Variants in FBXO25 observed in about 807,000 individuals in gnomAD.
FBXO25 encodes F-box only protein 25.
In FBXO25, 45 loss-of-function variants were observed where a neutral mutation model predicts 51.9. The ratio of observed to expected loss-of-function variants is 0.87; its 90% CI spans 0.68 to 1.11. The LOEUF (loss-of-function observed/expected upper bound fraction) is 1.11. FBXO25 is among the 50% of genes most tolerant of loss of function. The pLI is 0.00. For missense variants in FBXO25, 507 were observed against 428.5 expected, an observed-to-expected ratio of 1.18 and a Z score of -1.62; for synonymous variants, 199 against 151.0, an observed-to-expected ratio of 1.32 and a Z score of -2.33.
intron 2 of FBXO25, among the ~76,000 whole-genome samples, chr8:419,349 A>C (rs1448334376): frequency 6.6e-6 from 1 of 152,222 alleles, no homozygotes; most frequent in Non-Finnish European, 1.5e-5. Context: ...AGCCTGGGCA[A>C]CAAGAGCAAA....
At chr8:441,062 C>G (rs1371966342) in intron 5 of FBXO25, among the ~76,000 whole-genome samples, 1 of 148,358 alleles carries the variant, frequency 6.7e-6, no homozygotes, top group Non-Finnish European at 1.5e-5. Context: ...GTGCGTGTGT[C>G]TTTATAGTAG....
At chr8:450,650 T>C (rs1799023782) in intron 6 of FBXO25, 1 of 152,258 alleles carries the variant, frequency 6.6e-6, no homozygotes, top group African/African-American at 2.4e-5. Flanking sequence ...ACTGAAAATT[T>C]ATCAGATAAA....
intron 9 of FBXO25, chr8:468,252 T>G: frequency 2.0e-6 from 2 of 1,012,634 alleles, no homozygotes; most frequent in Non-Finnish European, 2.4e-6. Flanking sequence ...CCCCCTCTCC[T>G]GTCCTATGCA....
At chr8:466,199 T>A (rs1164953474) in intron 9 of FBXO25, among the ~76,000 whole-genome samples, 2 of 152,238 alleles carry the variant, frequency 1.3e-5, no homozygotes, top group Non-Finnish European at 2.9e-5. Context: ...AGATGTCAGG[T>A]ACTTCTTGCC....
At chr8:428,830 C>T (rs1255132274) in intron 2 of FBXO25, among the ~76,000 whole-genome samples, 3 of 152,192 alleles carry the variant, frequency 2.0e-5, no homozygotes, top group African/African-American at 7.2e-5. Flanking sequence ...CTCAGCGTAA[C>T]GTCCTCAAGT....
intron 5 of FBXO25, among the ~76,000 whole-genome samples, chr8:447,333 T>G (rs529159561): frequency 6.6e-6 from 1 of 152,162 alleles, no homozygotes; most frequent in Admixed American, 6.5e-5. Context: ...CCTGAGGGCA[T>G]CTGCAAAACA....
intron 1 of FBXO25, chr8:407,295 C>T: frequency 2.1e-6 from 2 of 947,378 alleles, no homozygotes; most frequent in Non-Finnish European, 2.5e-6. Context: ...TCGGGCGCGT[C>T]AGGTGGGGAC....
In FBXO25 at chr8:475,131, A is replaced by G. The variant is rs1340395779; in HGVS notation, c.*6327A>G. On this transcript the variant is annotated 3_prime_UTR_variant, in exon 10 of 10. Transcript: ENST00000350302. ...AGGCCTTTGATCTATTTTAATTTTT[A>G]TATATGGTGTGAGGTAGATCTAGCT... 5.5e-6 allele frequency: 2 copies of G among 361,732 alleles called. No individual in the cohort carries two copies. Among genetic ancestry groups the G allele is most frequent in the African/African-American group, 4.3e-5 (2 of 46,762 alleles). The allele number at this position is 361,732 out of a possible 1,614,324, so 22.4% of individuals were successfully genotyped here.
In FBXO25 at chr8:471,096, CAT is replaced by C. The variant is rs1270620400; in HGVS notation, c.*2294_*2295del. On this transcript the variant is annotated 3_prime_UTR_variant, in exon 10 of 10. Transcript: ENST00000350302. ...AATTGAGCAGTACTTGCTTGGAAAA[CAT>C]AACCATATTAATAGTGTAGGATTCC... is the stretch of plus-strand genomic sequence containing the variant. 4.6e-5 allele frequency: 7 copies of C among 152,198 alleles called. No homozygotes were observed. Among genetic ancestry groups the C allele is most frequent in the Non-Finnish European group, 8.8e-5 (6 of 68,032 alleles). The allele number at this position is 152,198 out of a possible 1,614,324, so 9.4% of individuals were successfully genotyped here.
intron 9 of FBXO25, 105 bp downstream of exon 9, chr8:463,255 G>T (rs1368199507): frequency 7.9e-7 from 1 of 1,262,546 alleles, no homozygotes; most frequent in African/African-American, 1.5e-5. Flanking sequence ...AATACTGTTT[G>T]TTATAAGTAA....
At chr8:461,846 C>T (rs1222458651) in intron 8 of FBXO25, among the ~76,000 whole-genome samples, 1 of 152,224 alleles carries the variant, frequency 6.6e-6, no homozygotes, top group Non-Finnish European at 1.5e-5. Flanking sequence ...TCATTCAAGA[C>T]TGAATAATAT....
intron 7 of FBXO25, among the ~76,000 whole-genome samples, chr8:457,428 C>T (rs1300053738): frequency 6.6e-6 from 1 of 152,190 alleles, no homozygotes; most frequent in Non-Finnish European, 1.5e-5. Flanking sequence ...CTCAGCCTGG[C>T]ACGTGCACAC....
rs920623802 is a variant in FBXO25 at position 474,087 on chromosome 8, C to G, written c.*5283C>G. 1.3e-5 allele frequency: 2 copies of G among 153,446 alleles called. No individual in the cohort carries two copies. The highest frequency in any genetic ancestry group is 1.3e-4 in the Admixed American group (2 of 15,346). The allele number at this position is 153,446 out of a possible 1,614,324, so 9.5% of individuals were successfully genotyped here. ...TTTGTCATCTTGTAAAACTGAAGCT[C>G]TGTACCCATTAAGCACCAACTCCCT... is the stretch of plus-strand genomic sequence containing the variant. On this transcript the variant is annotated 3_prime_UTR_variant, in exon 10 of 10. Coordinates refer to ENST00000350302, the MANE Select transcript of FBXO25 (RefSeq NM_183420.2).
In FBXO25 at chr8:472,304, T is replaced by C. The variant is rs911417620; in HGVS notation, c.*3500T>C. The C allele has an allele frequency of 1.3e-5, 2 of 152,238 alleles. No individual in the cohort carries two copies. Among genetic ancestry groups the C allele is most frequent in the African/African-American group, 4.8e-5 (2 of 41,472 alleles). 9.4% of individuals were successfully genotyped at this position (152,238 alleles called of 1,614,324 possible). ...TTGTCAAATGCTTTTTCTGCATCTCTTAAGATAATGTAGTTTTTGGCCTTC... is the reference window on the plus strand; with the variant it reads ...TTGTCAAATGCTTTTTCTGCATCTCCTAAGATAATGTAGTTTTTGGCCTTC... On this transcript the variant is annotated 3_prime_UTR_variant, in exon 10 of 10. Coordinates refer to ENST00000350302, the MANE Select transcript of FBXO25 (RefSeq NM_183420.2).
chr8:413,284 C>T (rs1796597602), intron 2 of FBXO25, 71 bp downstream of exon 2: 1 of 1,386,092 alleles, frequency 7.2e-7, no homozygotes, highest in South Asian at 2.1e-5. Flanking sequence ...TTTTTCAAGT[C>T]CCTGCAAAGC....
chr8:408,340 T>G (rs1796288302), intron 1 of FBXO25, among the ~76,000 whole-genome samples: 2 of 150,254 alleles, frequency 1.3e-5, no homozygotes, highest in African/African-American at 4.9e-5. Context: ...AAAAAAAAAG[T>G]TAAAAAGCTT....
At chr8:419,422 G>C (rs1423778841) in intron 2 of FBXO25, among the ~76,000 whole-genome samples, 1 of 152,184 alleles carries the variant, frequency 6.6e-6, no homozygotes, top group Non-Finnish European at 1.5e-5. Context: ...CCACAATCAA[G>C]AGAGTGGTAT....
At chr8:443,900 A>G (rs1448618187) in intron 5 of FBXO25, among the ~76,000 whole-genome samples, 1 of 152,234 alleles carries the variant, frequency 6.6e-6, no homozygotes, top group African/African-American at 2.4e-5. Context: ...GGCTGTGTCC[A>G]GCACACAGGC....
intron 1 of FBXO25, among the ~76,000 whole-genome samples, chr8:407,702 A>G (rs1382903472): frequency 6.6e-6 from 1 of 151,866 alleles, no homozygotes; most frequent in Non-Finnish European, 1.5e-5. Context: ...GTGACCCCTC[A>G]TTCCTCCAGG....
Sources: gnomAD v4.1 joint callset for allele counts (sites outside exome capture counted in the v4.1 genomes callset) on GRCh38, gnomAD v4.1.1 for gene constraint, MANE v1.5 for transcripts, NCBI Gene and HGNC (gene_info 2026-07-23, HGNC 2026-07-21) for gene names.